SLC35F3: variants seen among roughly 807,000 people sequenced by gnomAD.
SLC35F3 encodes putative thiamine transporter SLC35F3.
In SLC35F3, 25 loss-of-function variants were observed where a neutral mutation model predicts 49.9. The observed-to-expected ratio is 0.50, with a 90% CI of 0.37 to 0.70. The LOEUF (loss-of-function observed/expected upper bound fraction) is 0.70. SLC35F3 is among the 30% of genes least tolerant of loss of function. The pLI, the probability that SLC35F3 is intolerant of heterozygous loss-of-function variation, is 0.00. For synonymous variants in SLC35F3, 275 were observed against 265.4 expected, an observed-to-expected ratio of 1.04 and a Z score of -0.35; for missense variants, 525 against 639.8, an observed-to-expected ratio of 0.82 and a Z score of 1.94.
intron 2 of SLC35F3, among the ~76,000 whole-genome samples, chr1:234,058,054 G>C (rs2102860952): frequency 6.6e-6 from 1 of 152,182 alleles, no homozygotes; most frequent in African/African-American, 2.4e-5. Flanking sequence ...TTCTTTCACT[G>C]TTAAATATAA....
chr1:234,167,811 T>C (rs1666341188), intron 2 of SLC35F3, among the ~76,000 whole-genome samples: 1 of 152,084 alleles, frequency 6.6e-6, no homozygotes. Flanking sequence ...AAAGCTGAGG[T>C]GAGGTGCGCT....
At position 234,206,096 on chromosome 1, in the gene SLC35F3, G is replaced by A. The variant is rs542158906; in HGVS notation, c.284-25321G>A. Among the ~76,000 whole-genome samples the A allele has an allele frequency of 5.9e-5, 9 of 152,240 alleles. No individual in the cohort carries two copies. In the South Asian group the frequency reaches 1.9e-3, roughly 32 times the overall value. The stretch of plus-strand genomic sequence containing the variant: ...GGAGCTAGGAAATGCGGAGAGGCAG[G>A]GAGATGTGACAAGTACTTTTCAGCA... On this transcript the variant is annotated intron_variant, in intron 2 of 7. Transcript: ENST00000366618.
At chr1:234,089,681 A>T (rs1572047928) in intron 2 of SLC35F3, among the ~76,000 whole-genome samples, 1 of 152,178 alleles carries the variant, frequency 6.6e-6, no homozygotes, top group African/African-American at 2.4e-5. Flanking sequence ...TTTCCACCTC[A>T]TAGAAGACAG....
Position 234,323,350 on chromosome 1 carries a change from G to GT in SLC35F3, c.*108dup. On this transcript the variant is annotated 3_prime_UTR_variant, in exon 8 of 8. Coordinates refer to ENST00000366618, the MANE Select transcript of SLC35F3 (RefSeq NM_173508.4). This position sits in a 1 kb window ranked among gnomAD's most constrained non-coding sequence, Gnocchi z 4.5. ...ACCTGTACAGTTTTGGTCATCTGCG[G>GT]TAAGTTCTATGGTATTTATTGGCAT... The GT allele has an allele frequency of 1.1e-6, 1 of 941,650 alleles. No homozygotes were observed. The highest frequency in any genetic ancestry group is 1.6e-6 in the Non-Finnish European group (1 of 623,926). 58.3% of individuals were successfully genotyped at this position (941,650 alleles called of 1,614,324 possible). A position where few individuals can be genotyped will look rare whatever the true frequency, so the allele number is the denominator to read the frequency against.
At chr1:234,212,727 TAATA>T (rs910798602) in intron 2 of SLC35F3, 27 of 152,246 alleles carry the variant, frequency 1.8e-4, no homozygotes, top group African/African-American at 5.5e-4. Context: ...TTACTATATA[TAATA>T]AATTTTATTG....
At chr1:234,025,049 G>A (rs1256911095) in intron 2 of SLC35F3, among the ~76,000 whole-genome samples, 2 of 152,036 alleles carry the variant, frequency 1.3e-5, no homozygotes, top group African/African-American at 4.8e-5. Flanking sequence ...TTAGCTTCCC[G>A]TTATAAGGAG....
intron 2 of SLC35F3, among the ~76,000 whole-genome samples, chr1:234,129,056 A>G (rs561399502): frequency 6.6e-6 from 1 of 152,358 alleles, no homozygotes; most frequent in South Asian, 2.1e-4. Context: ...TTGAACACAG[A>G]GTGAAGTCGT....
At chr1:234,248,123 G>A (rs1461823223) in intron 3 of SLC35F3, among the ~76,000 whole-genome samples, 11 of 152,296 alleles carry the variant, frequency 7.2e-5, no homozygotes, top group Admixed American at 2.6e-4. Context: ...CAGTTGTTCT[G>A]TGGGTCGGTT....
intron 2 of SLC35F3, among the ~76,000 whole-genome samples, chr1:234,153,870 G>A (rs1276233539): frequency 6.6e-6 from 1 of 151,866 alleles, no homozygotes; most frequent in East Asian, 1.9e-4. Flanking sequence ...TCAGGAGATC[G>A]AGACCATGCT....
At chr1:234,248,183 G>T (rs1667674248) in intron 3 of SLC35F3, among the ~76,000 whole-genome samples, 1 of 152,102 alleles carries the variant, frequency 6.6e-6, no homozygotes, top group Non-Finnish European at 1.5e-5. Context: ...TGTTTGATGG[G>T]TCAGTTGGCT....
intron 4 of SLC35F3, among the ~76,000 whole-genome samples, chr1:234,313,919 G>A (rs1306805224): frequency 6.6e-6 from 1 of 152,238 alleles, no homozygotes; most frequent in African/African-American, 2.4e-5. Flanking sequence ...CCAGGCATCA[G>A]GAAGGAATCT....
chr1:234,192,735 A>T (rs901196491), intron 2 of SLC35F3, among the ~76,000 whole-genome samples: 2 of 152,196 alleles, frequency 1.3e-5, no homozygotes, highest in African/African-American at 4.8e-5. Context: ...TGTTAAATAA[A>T]TTCAGCAAAT....
intron 3 of SLC35F3, among the ~76,000 whole-genome samples, chr1:234,255,369 T>C (rs1667804097): frequency 6.6e-6 from 1 of 152,232 alleles, no homozygotes; most frequent in Non-Finnish European, 1.5e-5. Flanking sequence ...GCTGAGAATG[T>C]GGAGCAATAG....
chr1:233,932,773 C>T (rs1247963347), intron 2 of SLC35F3, among the ~76,000 whole-genome samples: 1 of 152,172 alleles, frequency 6.6e-6, no homozygotes, highest in East Asian at 1.9e-4. Context: ...AAAATGAGAA[C>T]TCTGCTTCCT....
In SLC35F3 at chr1:234,164,091, CCTCTCTCTCTTT is replaced by C. The variant is rs569519196; in HGVS notation, c.284-67315_284-67304del. ...TTGTAGAAATAGCTCTGTCTCTCTCCCTCTCTCTCTTTCTCTCTCTCTCCTCTACCTCTCTCT... is the reference window on the plus strand; with the variant it reads ...TTGTAGAAATAGCTCTGTCTCTCTCCCTCTCTCTCTCCTCTACCTCTCTCT... On this transcript the variant is annotated intron_variant, in intron 2 of 7. Coordinates refer to ENST00000366618, the MANE Select transcript of SLC35F3 (RefSeq NM_173508.4). 3.7e-4 allele frequency among the ~76,000 whole-genome samples: 56 copies of C among 151,098 alleles called. 1 individual carries two copies. The South Asian group carries it at 8.7e-3, about 23-fold the overall frequency.
intron 2 of SLC35F3, among the ~76,000 whole-genome samples, chr1:233,977,534 C>T (rs1429163535): frequency 6.6e-6 from 1 of 152,130 alleles, no homozygotes; most frequent in African/African-American, 2.4e-5. Context: ...CTGTTGGATT[C>T]TCTTTTTCAG....
intron 2 of SLC35F3, among the ~76,000 whole-genome samples, chr1:234,029,744 G>C (rs7365477): frequency 0.25 from 37,746 of 152,060 alleles, 9,650 homozygotes; most frequent in African/African-American, 0.65. Context: ...TGCCTATGGT[G>C]CTGGCTACTT....
intron 2 of SLC35F3, among the ~76,000 whole-genome samples, chr1:234,230,088 A>G (rs1446905381): frequency 6.6e-6 from 1 of 152,218 alleles, no homozygotes; most frequent in Non-Finnish European, 1.5e-5. Context: ...GGAGGTTATT[A>G]ATAAAGCAAG....
chr1:234,049,151 T>A (rs1217715779), intron 2 of SLC35F3, among the ~76,000 whole-genome samples: 2 of 152,122 alleles, frequency 1.3e-5, no homozygotes, highest in East Asian at 3.8e-4. Context: ...AATGAAGGAA[T>A]TTTGCATTTG....
Sources: allele counts gnomAD v4.1 joint callset (sites outside exome capture counted in the v4.1 genomes callset), GRCh38; gene constraint gnomAD v4.1.1; non-coding constraint Gnocchi (gnomAD v3.1); transcripts MANE v1.5; gene names NCBI Gene and HGNC (gene_info 2026-07-23, HGNC 2026-07-21).